MACF1: variants seen among roughly 807,000 people sequenced by gnomAD.
The protein encoded by MACF1 is microtubule-actin cross-linking factor 1.
In MACF1, 193 loss-of-function variants were observed where a neutral mutation model predicts 854.8. That is an observed-to-expected ratio of 0.23 (90% confidence interval 0.20 to 0.25). The LOEUF is 0.25. MACF1 is among the 10% of genes least tolerant of loss of function. The pLI, the probability that MACF1 is intolerant of heterozygous loss-of-function variation, is 1.00. For synonymous variants in MACF1, 3,185 were observed against 3,226.7 expected (o/e 0.99, Z 0.44); for missense variants, 7,722 against 8,929.1 (o/e 0.86, Z 5.45).
intron 2 of MACF1, among the ~76,000 whole-genome samples, chr1:39,193,173 G>T (rs1644277534): frequency 6.6e-6 from 1 of 151,830 alleles, no homozygotes; most frequent in African/African-American, 2.4e-5. Flanking sequence ...CAAGATTCTG[G>T]AACAGTCCCC....
At chr1:39,393,196 A>AAAAAAAAAAAAAAAAATATATATATAT (rs57576149) in intron 58 of MACF1, among the ~76,000 whole-genome samples, 2 of 66,574 alleles carry the variant, frequency 3.0e-5, no homozygotes, top group African/African-American at 8.4e-5. Context: ...AAAAAAAAAA[A>AAAAAAAAAAAAAAAAATATATATATAT]ATATATATAT....
chr1:39,456,338 A>C (rs1185674502), intron 89 of MACF1, among the ~76,000 whole-genome samples: 2 of 152,218 alleles, frequency 1.3e-5, no homozygotes, highest in African/African-American at 4.8e-5. Context: ...CATTTCAAAA[A>C]AAAAGCACTT....
chr1:39,127,964 A>G (rs1174574922), intron 2 of MACF1, among the ~76,000 whole-genome samples: 1 of 152,250 alleles, frequency 6.6e-6, no homozygotes, highest in Non-Finnish European at 1.5e-5. Context: ...ACATTTAAGC[A>G]GAAATTACAA....
At chr1:39,238,606 G>C (rs1644886013) in intron 2 of MACF1, among the ~76,000 whole-genome samples, 1 of 152,222 alleles carries the variant, frequency 6.6e-6, no homozygotes, top group Non-Finnish European at 1.5e-5. Flanking sequence ...CTTGCTGCCT[G>C]TTTGTAGCTG....
chr1:39,327,335 TCAC>T lies in MACF1; in HGVS notation c.4599_4601del (p.His1533del), dbSNP rs764063107. ...TTCAGCAGCTTCAGAGCCAGTTGGC[TCAC>T]CAGACAGAACAAAAGGTACTTTTAG... On this transcript the variant is annotated inframe_deletion, in exon 36 of 101. Coordinates refer to ENST00000564288, the MANE Select transcript of MACF1 (RefSeq NM_001394062.1). The T allele has an allele frequency of 6.2e-7, 1 of 1,603,508 alleles. No homozygotes were observed. Among genetic ancestry groups the T allele is most frequent in the Admixed American group, 1.7e-5 (1 of 59,890 alleles).
intron 2 of MACF1, among the ~76,000 whole-genome samples, chr1:39,198,607 C>T (rs571621199): frequency 5.4e-5 from 8 of 148,234 alleles, no homozygotes; most frequent in Admixed American, 2.7e-4. Context: ...GCTGAGATCA[C>T]GCCATTGCAC....
intron 2 of MACF1, among the ~76,000 whole-genome samples, chr1:39,124,176 A>G (rs944836550): frequency 2.0e-5 from 3 of 151,380 alleles, no homozygotes; most frequent in African/African-American, 7.3e-5. Flanking sequence ...ATGAGCCACC[A>G]TGCCAGGCCC....
intron 78 of MACF1, 70 bp from the exon 79 acceptor site, chr1:39,443,376 C>A (rs552541701): frequency 1.1e-5 from 16 of 1,511,142 alleles, no homozygotes; most frequent in East Asian, 6.8e-5. Context: ...CTCCTCATAT[C>A]ATTTGGAAAG....
At chr1:39,120,473 T>C (rs1016648603) in intron 2 of MACF1, among the ~76,000 whole-genome samples, 1 of 152,024 alleles carries the variant, frequency 6.6e-6, no homozygotes, top group African/African-American at 2.4e-5. Flanking sequence ...CAAGAGATTC[T>C]CCTGCCTCAG....
At chr1:39,244,124 G>C (rs990653662) in intron 2 of MACF1, among the ~76,000 whole-genome samples, 1 of 151,126 alleles carries the variant, frequency 6.6e-6, no homozygotes, top group African/African-American at 2.4e-5. Context: ...TTTTTGGGGG[G>C]GACAGAGTCT....
In MACF1 at chr1:39,310,298, C is replaced by A; in HGVS notation, c.2970C>A (p.Ala990=). ...ATCAGATTATGAAGAACCTTCAGGCCCACTATGAAGACTTTCTGCAGGATA... is the reference window on the plus strand; with the variant it reads ...ATCAGATTATGAAGAACCTTCAGGCACACTATGAAGACTTTCTGCAGGATA... ...ECHQIMKNLQ[A]HYEDFLQDSR... The change falls in exon 25 of 101, where the codon GCC becomes GCA. Residue 990 remains alanine (A), a synonymous_variant. Transcript: ENST00000564288. 6.2e-7 allele frequency: 1 copy of A among 1,614,042 alleles called. No individual in the cohort carries two copies. The highest frequency in any genetic ancestry group is 8.5e-7 in the Non-Finnish European group (1 of 1,179,984).
intron 31 of MACF1, among the ~76,000 whole-genome samples, chr1:39,320,113 A>G (rs1226858781): frequency 6.6e-6 from 1 of 152,170 alleles, no homozygotes; most frequent in Non-Finnish European, 1.5e-5. Flanking sequence ...CCCAGGAGTC[A>G]TCCTAAACTG....
intron 92 of MACF1, 108 bp from the exon 93 acceptor site, chr1:39,461,775 G>A: frequency 1.2e-6 from 1 of 858,468 alleles, no homozygotes; most frequent in Non-Finnish European, 1.7e-6. Context: ...CTGGGCGACA[G>A]AGCAAGACCT....
intron 58 of MACF1, among the ~76,000 whole-genome samples, chr1:39,404,739 CT>C (rs1242623652): frequency 6.6e-6 from 1 of 152,178 alleles, no homozygotes; most frequent in African/African-American, 2.4e-5. Flanking sequence ...CCTGCCTCAG[CT>C]TCTCAAAGTA....
Position 39,468,631 on chromosome 1 carries a change from A to T in MACF1, c.21788A>T (p.Gln7263Leu). The T allele has an allele frequency of 6.2e-7, 1 of 1,614,104 alleles. No homozygotes were observed. The highest frequency in any genetic ancestry group is 8.5e-7 in the Non-Finnish European group (1 of 1,179,948). The change falls in exon 96 of 101, where the codon CAG becomes CTG. Residue 7263 changes from glutamine (Q) to leucine (L), a missense_variant. By Grantham distance (113) the Gln-to-Leu change is moderately radical. This residue lies in a region of MACF1 where 153 missense variants were observed against 342.5 expected (regional missense o/e 0.45). Coordinates refer to ENST00000564288, the MANE Select transcript of MACF1 (RefSeq NM_001394062.1). ...ATTCTACAGTTTGGGGATTCTCAGCAGTTGCGGCTGGTCCGTATTCTGCGC... is the reference window on the plus strand; with the variant it reads ...ATTCTACAGTTTGGGGATTCTCAGCTGTTGCGGCTGGTCCGTATTCTGCGC... Reference protein sequence around the residue: ...FLGNQFGDSQQLRLVRILRST... With the variant: ...FLGNQFGDSQLLRLVRILRST...
chr1:39,302,267 G>A lies in MACF1; in HGVS notation c.2635-657G>A, dbSNP rs180675938. Among the ~76,000 whole-genome samples the A allele has an allele frequency of 7.2e-5, 11 of 152,258 alleles. No homozygotes were observed. In the East Asian group the frequency reaches 1.9e-3, roughly 27 times the overall value. ...CCTACCTTAGCCTTCAGAAGTGCTGGGATTATAGGTGTGAGCTGCTGTGCC... is the reference window on the plus strand; with the variant it reads ...CCTACCTTAGCCTTCAGAAGTGCTGAGATTATAGGTGTGAGCTGCTGTGCC... On this transcript the variant is annotated intron_variant, in intron 22 of 100. Transcript: ENST00000564288.
At position 39,388,539 on chromosome 1, in the gene MACF1, T is replaced by G. The variant is rs376859455; in HGVS notation, c.15697T>G (p.Phe5233Val). 118 of 1,613,978 alleles carry G rather than the reference T, an allele frequency of 7.3e-5. No individual in the cohort carries two copies. Among genetic ancestry groups the G allele is most frequent in the Middle Eastern group, 1.6e-4 (1 of 6,084 alleles). ...LELTLGRVED[F>V]YRKLKGLNDA... ...ACTGACACTAGGCCGTGTAGAGGACTTCTACAGGAAATTGAAAGGACTCAA... is the reference window on the plus strand; with the variant it reads ...ACTGACACTAGGCCGTGTAGAGGACGTCTACAGGAAATTGAAAGGACTCAA... The change falls in exon 58 of 101, where the codon TTC (phenylalanine) becomes GTC (valine). Residue 5233 changes from phenylalanine (F) to valine (V), a missense_variant. Physicochemically the swap from Phe to Val is conservative, Grantham distance 50 (BLOSUM62 -1). Coordinates refer to ENST00000564288, the MANE Select transcript of MACF1 (RefSeq NM_001394062.1).
intron 58 of MACF1, chr1:39,413,234 C>A (rs1557640148): frequency 1.2e-6 from 2 of 1,612,996 alleles, no homozygotes; most frequent in Non-Finnish European, 1.7e-6. Context: ...CCTGATACTG[C>A]AGCTGTCAGA....
At chr1:39,145,386 G>C (rs1643439422) in intron 2 of MACF1, among the ~76,000 whole-genome samples, 2 of 152,096 alleles carry the variant, frequency 1.3e-5, no homozygotes, top group Admixed American at 1.3e-4. Flanking sequence ...GCAGGTCTCT[G>C]GGCATATACA....
Sources: gnomAD v4.1 joint callset for allele counts (sites outside exome capture counted in the v4.1 genomes callset) on GRCh38, gnomAD v4.1.1 for gene constraint, gnomAD v4.1.1 regional missense constraint, MANE v1.5 for transcripts, NCBI Gene and HGNC (gene_info 2026-07-23, HGNC 2026-07-21) for gene names.